Variants in ZNF92 observed in about 807,000 individuals in gnomAD.
The protein encoded by ZNF92 is zinc finger protein 92.
ZNF92 carries 11 observed loss-of-function variants against 12.4 expected under a neutral mutation model. The observed-to-expected ratio is 0.89, with a 90% confidence interval of 0.56 to 1.47. ZNF92 has a LOEUF of 1.47. Among genes scored for constraint, ZNF92 ranks in the 40% most tolerant of loss-of-function variants. The pLI is 0.00. For missense variants in ZNF92, 622 were observed against 681.0 expected, an observed-to-expected ratio of 0.91 and a Z score of 0.96; for synonymous variants, 206 against 228.6, an observed-to-expected ratio of 0.90 and a Z score of 0.89.
At chr7:65,392,538 A>AT (rs35255435) in intron 3 of ZNF92, among the ~76,000 whole-genome samples, 78,996 of 141,446 alleles carry the variant, frequency 0.56, 22,105 homozygotes, top group East Asian at 0.67. Context: ...TTGAGCCCAC[A>AT]TTTTTTTTTT....
rs188780835 is a variant in ZNF92 at position 65,394,521 on chromosome 7, T to C, written c.227-3820T>C. On this transcript the variant is annotated intron_variant, in intron 3 of 3. Transcript: ENST00000328747. ...TTTTTCATGGGTGTTTGGATAGTTATAGATTTTAATCAAATTTTAAAAATT... is the reference window on the plus strand; with the variant it reads ...TTTTTCATGGGTGTTTGGATAGTTACAGATTTTAATCAAATTTTAAAAATT... Among the ~76,000 whole-genome samples, 273 of 152,298 alleles carry C rather than the reference T, an allele frequency of 1.8e-3. 2 individuals carry two copies. Among genetic ancestry groups the C allele is most frequent in the African/African-American group, 6.1e-3 (253 of 41,570 alleles).
intron 1 of ZNF92, among the ~76,000 whole-genome samples, chr7:65,382,256 A>G (rs1049611763): frequency 1.3e-5 from 2 of 151,980 alleles, no homozygotes; most frequent in Non-Finnish European, 2.9e-5. Flanking sequence ...TGCGTGTCAC[A>G]TTCTGGTGTA....
chr7:65,386,464 T>C (rs1396033250), intron 1 of ZNF92, among the ~76,000 whole-genome samples: 2 of 152,086 alleles, frequency 1.3e-5, no homozygotes, highest in African/African-American at 4.8e-5. Flanking sequence ...AAGATTCCTA[T>C]TGGGGAAAAG....
chr7:65,388,423 G>A, intron 2 of ZNF92: 1 of 199,002 alleles, frequency 5.0e-6, no homozygotes, highest in Non-Finnish European at 1.0e-5. Context: ...TGGATTACCT[G>A]AGGTCAGGAG....
chr7:65,378,299 A>AC (rs910346948), intron 1 of ZNF92, among the ~76,000 whole-genome samples: 1 of 151,660 alleles, frequency 6.6e-6, no homozygotes, highest in Admixed American at 6.6e-5. Context: ...GTCTCAAAAA[A>AC]AAAAAAATCA....
At chr7:65,383,951 G>C (rs1449656037) in intron 1 of ZNF92, among the ~76,000 whole-genome samples, 1 of 152,016 alleles carries the variant, frequency 6.6e-6, no homozygotes, top group Non-Finnish European at 1.5e-5. Context: ...GGTTCATTCT[G>C]CTTTTGTCTC....
chr7:65,380,143 A>G (rs566804284), intron 1 of ZNF92, among the ~76,000 whole-genome samples: 2 of 152,262 alleles, frequency 1.3e-5, no homozygotes, highest in East Asian at 1.9e-4. Context: ...TTAGTTTTCT[A>G]AGGATAATGG....
chr7:65,398,647 G>A lies in ZNF92; in HGVS notation c.533G>A (p.Arg178His), dbSNP rs148459095. 1,989 of 1,611,940 alleles carry A rather than the reference G, an allele frequency of 1.2e-3. 28 individuals are homozygous for A. The African/African-American group carries it at 0.023, about 19-fold the overall frequency. The change falls in exon 4 of 4, where the codon CGT (arginine) becomes CAT (histidine). Residue 178 changes from arginine to histidine, a missense_variant. By Grantham distance (29) the Arg-to-His change is conservative. Transcript: ENST00000328747. ...TGKKPFKCKN[R>H]GKSFCMLSQL... is the part of the protein sequence containing the mutation. The stretch of plus-strand genomic sequence containing the variant: ...AAGAAACCTTTCAAATGTAAAAACC[G>A]TGGCAAATCATTTTGCATGCTTTCA...
At chr7:65,376,779 A>G (rs1441598472) in intron 1 of ZNF92, among the ~76,000 whole-genome samples, 1 of 152,124 alleles carries the variant, frequency 6.6e-6, no homozygotes, top group Non-Finnish European at 1.5e-5. Flanking sequence ...AATTACAAAC[A>G]TAATTCTAAG....
At chr7:65,390,796 C>G (rs1562794724) in intron 3 of ZNF92, among the ~76,000 whole-genome samples, 1 of 152,132 alleles carries the variant, frequency 6.6e-6, no homozygotes, top group Non-Finnish European at 1.5e-5. Context: ...GGAACTGAGT[C>G]ATTAAACTGC....
At chr7:65,381,811 T>A (rs886745986) in intron 1 of ZNF92, among the ~76,000 whole-genome samples, 13 of 152,118 alleles carry the variant, frequency 8.5e-5, no homozygotes, top group Admixed American at 7.9e-4. Flanking sequence ...ACATTTCTCT[T>A]GTCAGCTTTG....
chr7:65,392,647 C>T (rs1236066517), intron 3 of ZNF92, among the ~76,000 whole-genome samples: 3 of 151,722 alleles, frequency 2.0e-5, no homozygotes, highest in Admixed American at 2.0e-4. Flanking sequence ...AGTGATTCTC[C>T]TGCCTCAGCC....
chr7:65,377,499 G>A (rs1030161436), intron 1 of ZNF92, among the ~76,000 whole-genome samples: 1 of 152,058 alleles, frequency 6.6e-6, no homozygotes, highest in Non-Finnish European at 1.5e-5. Flanking sequence ...ATTGTTTTGA[G>A]GCAGTTTCTA....
intron 1 of ZNF92, among the ~76,000 whole-genome samples, chr7:65,380,150 A>G (rs1355113261): frequency 6.6e-6 from 1 of 152,108 alleles, no homozygotes; most frequent in African/African-American, 2.4e-5. Flanking sequence ...TCTAAGGATA[A>G]TGGTCTCCAG....
At chr7:65,381,158 G>GC (rs951409152) in intron 1 of ZNF92, among the ~76,000 whole-genome samples, 3 of 151,766 alleles carry the variant, frequency 2.0e-5, no homozygotes. Flanking sequence ...TTACAGGCAC[G>GC]CCCCACCATG....
rs1255881936 is a variant in ZNF92 at position 65,401,059 on chromosome 7, A to G, written c.*1184A>G. 1 of 152,066 alleles carries G rather than the reference A, an allele frequency of 6.6e-6. No individual in the cohort carries two copies. Among genetic ancestry groups the G allele is most frequent in the African/African-American group, 2.4e-5 (1 of 41,432 alleles). The allele number at this position is 152,066 out of a possible 1,614,324, so 9.4% of individuals were successfully genotyped here. On this transcript the variant is annotated 3_prime_UTR_variant, in exon 4 of 4. Coordinates refer to ENST00000328747, the MANE Select transcript of ZNF92 (RefSeq NM_152626.4). ...ATTTTGTTGATTGTGCTTTTATGTA[A>G]TAAAATGCAGTACTTTAAAACATTT...
intron 1 of ZNF92, among the ~76,000 whole-genome samples, chr7:65,382,082 AT>A (rs1418445884): frequency 1.3e-5 from 2 of 152,052 alleles, no homozygotes; most frequent in Admixed American, 6.6e-5. Context: ...TGAAAAGTTT[AT>A]TTTGTCATTG....
rs150026794 is a variant in ZNF92, at chr7:65,379,561, C to A, written c.3+5561C>A. ...TGATTCCCACCCACTTACAAACATA[C>A]TCACTAGACATTGATGTGCACACAC... On this transcript the variant is annotated intron_variant, in intron 1 of 3. Transcript: ENST00000328747. Among the ~76,000 whole-genome samples, 11 of 152,240 alleles carry A rather than the reference C, an allele frequency of 7.2e-5. No individual in the cohort carries two copies. The East Asian group carries it at 2.1e-3, about 29-fold the overall frequency.
rs1221443568 is a variant in ZNF92, at chr7:65,401,109, T to C, written c.*1234T>C. 6.6e-6 allele frequency: 1 copy of C among 152,102 alleles called. No individual in the cohort carries two copies. The highest frequency in any genetic ancestry group is 1.5e-5 in the Non-Finnish European group (1 of 67,962). The allele number at this position is 152,102 out of a possible 1,614,324, so 9.4% of individuals were successfully genotyped here. On this transcript the variant is annotated 3_prime_UTR_variant, in exon 4 of 4. Coordinates refer to ENST00000328747, the MANE Select transcript of ZNF92 (RefSeq NM_152626.4). ...TAGATTGTGTGTGAACTTAATTTTG[T>C]AATTAAACATTTTTTTTAGCATGCT...
Sources: allele counts gnomAD v4.1 joint callset (sites outside exome capture counted in the v4.1 genomes callset), GRCh38; gene constraint gnomAD v4.1.1; transcripts MANE v1.5; gene names NCBI Gene and HGNC (gene_info 2026-07-23, HGNC 2026-07-21).